The following EVC variants were observed in gnomAD, a reference collection of about 807,000 sequenced individuals.
EVC encodes the protein EvC ciliary complex subunit 1.
Under a neutral mutation model 118.9 loss-of-function variants are expected in EVC, and 116 were observed. The ratio of observed to expected loss-of-function variants is 0.98; its 90% CI spans 0.84 to 1.14. The LOEUF (loss-of-function observed/expected upper bound fraction) is 1.14. Among genes scored for constraint, EVC ranks in the 50% most tolerant of loss-of-function variants. The pLI is 0.00. For missense variants in EVC, 1,401 were observed against 1,246.4 expected (o/e 1.12, Z -1.87); for synonymous variants, 619 against 534.7 (o/e 1.16, Z -2.18).
chr4:5,815,893 C>T (rs1360306282), downstream of EVC, among the ~76,000 whole-genome samples: 1 of 151,436 alleles, frequency 6.6e-6, no homozygotes, highest in African/African-American at 2.4e-5. Context: ...TGGGAATATT[C>T]CTTTCCTCCT....
intron 11 of EVC, among the ~76,000 whole-genome samples, chr4:5,759,284 CA>C (rs1467718246): frequency 6.6e-6 from 1 of 151,988 alleles, no homozygotes; most frequent in African/African-American, 2.4e-5. Context: ...TTGAAAGAGC[CA>C]GACTACAGTG....
intron 13 of EVC, among the ~76,000 whole-genome samples, chr4:5,794,255 ATG>A (rs759325956): frequency 0.22 from 6,764 of 31,220 alleles, 328 homozygotes; most frequent in Non-Finnish European, 0.3. Context: ...ATATATTTAT[ATG>A]TATTTATATA....
rs1216543449 is a variant in EVC, at chr4:5,742,603, C to T, written c.801+789C>T. Among the ~76,000 whole-genome samples the T allele has an allele frequency of 2.0e-5, 3 of 152,122 alleles. No homozygotes were observed. Among genetic ancestry groups the T allele is most frequent in the Non-Finnish European group, 2.9e-5 (2 of 68,014 alleles). On this transcript the variant is annotated intron_variant, in intron 6 of 20. Transcript: ENST00000264956. This position sits in a 1 kb window ranked among gnomAD's most constrained non-coding sequence, Gnocchi z 5.2. ...CCACCATCATCATCATCCTCATGAC[C>T]GCTGTCATCACCAACACCATCACCA...
At position 5,746,976 on chromosome 4, in the gene EVC, G is replaced by C. The variant is rs1209351963; in HGVS notation, c.940-1172G>C. On this transcript the variant is annotated intron_variant, in intron 7 of 20. Coordinates refer to ENST00000264956, the MANE Select transcript of EVC (RefSeq NM_153717.3). The surrounding 1 kb of genome is among the most constrained non-coding windows in gnomAD (Gnocchi z 5.8). Reference sequence around the variant, plus strand: ...TAGAGTTGGCAGGTGACAGTCTGCAGTCACGTGGCAGGTGGAAGGCAGGTC... The same window carrying C: ...TAGAGTTGGCAGGTGACAGTCTGCACTCACGTGGCAGGTGGAAGGCAGGTC... Among the ~76,000 whole-genome samples the C allele has an allele frequency of 1.2e-4, 18 of 152,118 alleles. No individual in the cohort carries two copies. The highest frequency in any genetic ancestry group is 1.0e-3 in the Admixed American group (16 of 15,268).
intron 7 of EVC, 65 bp from the exon 8 acceptor site, chr4:5,748,083 G>T: frequency 1.3e-6 from 2 of 1,557,436 alleles, no homozygotes; most frequent in South Asian, 2.2e-5. Flanking sequence ...TCCCGAGCAC[G>T]CACCGTTTGG....
chr4:5,780,111 T>G (rs904766550), intron 11 of EVC, among the ~76,000 whole-genome samples: 1 of 152,234 alleles, frequency 6.6e-6, no homozygotes, highest in Admixed American at 6.5e-5. Context: ...ATGTGGTTTT[T>G]GTCTTTGGTT....
At chr4:5,828,702 T>C in the EVC span, 1 of 1,605,666 alleles carries the variant, frequency 6.2e-7, no homozygotes, top group South Asian at 1.1e-5. Flanking sequence ...CTTCCCAGGA[T>C]TTGCTCTGCC....
intron 11 of EVC, among the ~76,000 whole-genome samples, chr4:5,769,094 GAT>G (rs778117942): frequency 2.0e-5 from 3 of 152,114 alleles, no homozygotes; most frequent in Non-Finnish European, 4.4e-5. Context: ...TTGTAATAAA[GAT>G]ATACCCGAGA....
At chr4:5,748,492 C>A (rs1217160175) in intron 8 of EVC, among the ~76,000 whole-genome samples, 186 bp downstream of exon 8, 1 of 151,070 alleles carries the variant, frequency 6.6e-6, no homozygotes, top group Admixed American at 6.6e-5. Context: ...ATCCATCCAC[C>A]CATCCATCCA....
intron 12 of EVC, among the ~76,000 whole-genome samples, chr4:5,791,418 A>C (rs185928129): frequency 8.5e-5 from 13 of 152,302 alleles, no homozygotes; most frequent in Middle Eastern, 3.4e-3. Context: ...AACATTGATG[A>C]TTCAAACAAT....
intron 2 of EVC, among the ~76,000 whole-genome samples, chr4:5,726,844 A>C (rs1184770796): frequency 6.7e-6 from 1 of 150,066 alleles, no homozygotes; most frequent in East Asian, 2.0e-4. Flanking sequence ...TTCTTGCGAT[A>C]GTTTACTGAG....
chr4:5,772,167 A>G (rs1217735034), intron 11 of EVC, among the ~76,000 whole-genome samples: 1 of 152,166 alleles, frequency 6.6e-6, no homozygotes, highest in African/African-American at 2.4e-5. Flanking sequence ...CAGTGCTGGG[A>G]TTACAGGCGT....
intron 17 of EVC, among the ~76,000 whole-genome samples, chr4:5,806,404 G>A (rs1350087275): frequency 6.6e-6 from 1 of 152,090 alleles, no homozygotes; most frequent in East Asian, 1.9e-4. Context: ...CTGTGTCCAT[G>A]TGCACACATT....
intron 1 of EVC, among the ~76,000 whole-genome samples, chr4:5,717,264 C>T (rs779291514): frequency 2.0e-5 from 3 of 152,192 alleles, no homozygotes; most frequent in Non-Finnish European, 4.4e-5. Context: ...TGAGAATGTT[C>T]TATCCTGTCC....
intron 2 of EVC, among the ~76,000 whole-genome samples, chr4:5,724,585 C>G (rs1310522368): frequency 6.6e-6 from 1 of 152,074 alleles, no homozygotes; most frequent in Non-Finnish European, 1.5e-5. Context: ...GCCTTGGGCA[C>G]GTGACTTCAC....
At chr4:5,774,374 A>G (rs1445988891) in intron 11 of EVC, among the ~76,000 whole-genome samples, 1 of 151,928 alleles carries the variant, frequency 6.6e-6, no homozygotes, top group East Asian at 1.9e-4. Context: ...AACTTCTCCA[A>G]CTTTTATCTA....
Position 5,798,520 on chromosome 4 carries a change from A to C in EVC, c.2098-66A>C. The C allele has an allele frequency of 2.0e-6, 3 of 1,491,888 alleles. No individual in the cohort carries two copies. The highest frequency in any genetic ancestry group is 1.8e-6 in the Non-Finnish European group (2 of 1,094,802). 92.4% of individuals were successfully genotyped at this position (1,491,888 alleles called of 1,614,324 possible). ...CTGGATAGGACCAGCCCCACATCCCAGTCCTGGCCAGAGCTTCTCTGTGAG... is the reference window on the plus strand; with the variant it reads ...CTGGATAGGACCAGCCCCACATCCCCGTCCTGGCCAGAGCTTCTCTGTGAG... On this transcript the variant is annotated intron_variant, in intron 14 of 20. Transcript: ENST00000264956. The surrounding 1 kb of genome is among the most constrained non-coding windows in gnomAD (Gnocchi z 4.1).
At chr4:5,753,997 G>A (rs1225567012) in intron 10 of EVC, 64 bp downstream of exon 10, 1 of 1,596,216 alleles carries the variant, frequency 6.3e-7, no homozygotes, top group Non-Finnish European at 8.6e-7. Context: ...TCCCGTGACT[G>A]AGCACGGGAC....
downstream of EVC, among the ~76,000 whole-genome samples, chr4:5,819,225 A>G (rs1011475632): frequency 1.3e-5 from 2 of 152,138 alleles, no homozygotes; most frequent in African/African-American, 4.8e-5. Context: ...AGGCAGAATA[A>G]CGCTCCCCGT....
Sources: gnomAD v4.1 joint callset for allele counts (sites outside exome capture counted in the v4.1 genomes callset) on GRCh38, gnomAD v4.1.1 for gene constraint, Gnocchi (gnomAD v3.1) non-coding constraint, MANE v1.5 for transcripts, NCBI Gene and HGNC (gene_info 2026-07-23, HGNC 2026-07-21) for gene names.